ESCO2: variants seen among roughly 807,000 people sequenced by gnomAD.
ESCO2 encodes the protein establishment of sister chromatid cohesion N-acetyltransferase 2.
A neutral mutation model predicts 61.7 loss-of-function variants in ESCO2; 51 were observed. That is an observed-to-expected ratio of 0.83 (90% CI 0.66 to 1.04). The LOEUF is 1.04. Among genes scored for constraint, ESCO2 ranks in the 50% least tolerant of loss-of-function variants. The pLI is 0.00. For missense variants in ESCO2, 692 were observed against 686.2 expected, an observed-to-expected ratio of 1.01 and a Z score of -0.09; for synonymous variants, 230 against 238.2, an observed-to-expected ratio of 0.97 and a Z score of 0.32.
chr8:27,811,249 G>A (rs1451069154), downstream of ESCO2: 29 of 824,654 alleles, frequency 3.5e-5, no homozygotes, highest in Admixed American at 6.2e-4. Flanking sequence ...AATCAGTGTA[G>A]CCAGAAAATG....
At chr8:27,801,435 C>G (rs1038803751) in intron 10 of ESCO2, among the ~76,000 whole-genome samples, 1 of 152,080 alleles carries the variant, frequency 6.6e-6, no homozygotes, top group Non-Finnish European at 1.5e-5. Flanking sequence ...GCCATAAATC[C>G]TAGTCAATCA....
chr8:27,803,549 T>TATAC lies in ESCO2; in HGVS notation c.*112_*113insTACA. On this transcript the variant is annotated 3_prime_UTR_variant, in exon 11 of 11. Coordinates refer to ENST00000305188, the MANE Select transcript of ESCO2 (RefSeq NM_001017420.3). The stretch of plus-strand genomic sequence containing the variant: ...TAAAAAATACCGAGACTCACACTCA[T>TATAC]ACACACACACACACACACGCACACA... 1 of 1,323,222 alleles carries TATAC rather than the reference T, an allele frequency of 7.6e-7. No homozygotes were observed. The highest frequency in any genetic ancestry group is 9.9e-7 in the Non-Finnish European group (1 of 1,005,830). The allele number at this position is 1,323,222 out of a possible 1,614,324, so 82.0% of individuals were successfully genotyped here. A position where few individuals can be genotyped will look rare whatever the true frequency, so the allele number is the denominator to read the frequency against.
chr8:27,772,645 C>T, upstream of ESCO2: 5 of 1,110,392 alleles, frequency 4.5e-6, no homozygotes, highest in Middle Eastern at 3.0e-4. Flanking sequence ...GGAACTCCTC[C>T]GTGCACTTCC....
At chr8:27,794,575 A>G (rs1420278644) in intron 9 of ESCO2, among the ~76,000 whole-genome samples, 1 of 152,196 alleles carries the variant, frequency 6.6e-6, no homozygotes, top group Non-Finnish European at 1.5e-5. Flanking sequence ...ACTATGCAGA[A>G]ACTTTTCAGT....
chr8:27,810,612 A>G, downstream of ESCO2: 1 of 640,580 alleles, frequency 1.6e-6, no homozygotes. Flanking sequence ...TATGCTTTCC[A>G]TTCTGCCACA....
upstream of ESCO2, chr8:27,772,626 C>T (rs975269522): frequency 7.1e-7 from 1 of 1,405,748 alleles, no homozygotes; most frequent in Non-Finnish European, 9.8e-7. Context: ...CGGCGGCCGC[C>T]TGGCCCCCGG....
intron 10 of ESCO2, among the ~76,000 whole-genome samples, chr8:27,801,635 A>C (rs1180382079): frequency 6.6e-6 from 1 of 152,192 alleles, no homozygotes; most frequent in Non-Finnish European, 1.5e-5. Context: ...TATATCTTCT[A>C]ATTGAATCAA....
rs143530690 is a variant in ESCO2 at position 27,792,807 on chromosome 8, A to C, written c.1493A>C (p.Lys498Thr). ...GGGTGTTTAATTGCAGAACCCATCA[A>C]ACAGGTATGGTATATTTGTTTTAAA... ...VVGCLIAEPI[K>T]QAFRVLSEPI... The change falls in exon 9 of 11, where the codon AAA becomes ACA. Residue 498 changes from lysine (K) to threonine (T), a missense_variant. By Grantham distance (78) the Lys-to-Thr change is moderately conservative. Coordinates refer to ENST00000305188, the MANE Select transcript of ESCO2 (RefSeq NM_001017420.3). 139 of 1,601,386 alleles carry C rather than the reference A, an allele frequency of 8.7e-5. No homozygotes were observed. The Middle Eastern group carries it at 1.8e-3, about 21-fold the overall frequency.
chr8:27,816,640 T>G (rs1805820983), downstream of ESCO2, among the ~76,000 whole-genome samples: 1 of 152,006 alleles, frequency 6.6e-6, no homozygotes, highest in Non-Finnish European at 1.5e-5. Context: ...CCTCCCAAAG[T>G]GCTGGGATTA....
At chr8:27,794,242 G>A (rs1040298285) in intron 9 of ESCO2, among the ~76,000 whole-genome samples, 8 of 152,180 alleles carry the variant, frequency 5.3e-5, no homozygotes, top group Non-Finnish European at 1.0e-4. Context: ...AGTTCCTTTG[G>A]ATATACACTC....
intron 2 of ESCO2, among the ~76,000 whole-genome samples, chr8:27,775,980 C>T (rs770681212): frequency 1.9e-4 from 29 of 152,112 alleles, no homozygotes; most frequent in Non-Finnish European, 2.8e-4. Context: ...AATTACTCTA[C>T]CCAGGAAAAG....
intron 4 of ESCO2, among the ~76,000 whole-genome samples, chr8:27,780,921 G>A (rs565991647): frequency 6.7e-4 from 102 of 152,132 alleles, no homozygotes; most frequent in African/African-American, 2.2e-3. Flanking sequence ...TGAATATAAG[G>A]CAGTGCTAAA....
upstream of ESCO2, chr8:27,772,553 G>A (rs1231998686): frequency 6.5e-7 from 1 of 1,549,068 alleles, no homozygotes; most frequent in Admixed American, 2.0e-5. Flanking sequence ...TCCCGGGAGC[G>A]GTGCGGTGAC....
intron 5 of ESCO2, among the ~76,000 whole-genome samples, chr8:27,786,375 G>A (rs139253143): frequency 2.0e-4 from 30 of 152,304 alleles, no homozygotes; most frequent in Non-Finnish European, 2.9e-4. Flanking sequence ...ACAGGTTCAC[G>A]TGATTGCTAA....
At chr8:27,811,077 A>G, downstream of ESCO2, 1 of 1,613,266 alleles carries the variant, frequency 6.2e-7, no homozygotes. Context: ...ATTCTCCTCC[A>G]CAGCTTCTTT....
downstream of ESCO2, chr8:27,809,479 GA>G (rs1805626261): frequency 6.6e-6 from 1 of 152,150 alleles, no homozygotes; most frequent in African/African-American, 2.4e-5. Context: ...ATTCCCAGGG[GA>G]CTGTGGCTTA....
intron 4 of ESCO2, among the ~76,000 whole-genome samples, chr8:27,782,511 G>A (rs1048379363): frequency 2.0e-4 from 30 of 152,202 alleles, no homozygotes; most frequent in African/African-American, 5.1e-4. Flanking sequence ...TGATCCACCC[G>A]CCTTGGCCTC....
chr8:27,815,697 G>T (rs1383299211), downstream of ESCO2, among the ~76,000 whole-genome samples: 1 of 152,188 alleles, frequency 6.6e-6, no homozygotes, highest in Non-Finnish European at 1.5e-5. Flanking sequence ...AGAACTCTGG[G>T]TCTAAAATAA....
intron 4 of ESCO2, among the ~76,000 whole-genome samples, chr8:27,783,476 C>A (rs1023527254): frequency 6.6e-6 from 1 of 152,074 alleles, no homozygotes; most frequent in Non-Finnish European, 1.5e-5. Context: ...TTGATAAAGT[C>A]CAAATTAATT....
Sources: gnomAD v4.1 joint callset for allele counts (sites outside exome capture counted in the v4.1 genomes callset) on GRCh38, gnomAD v4.1.1 for gene constraint, MANE v1.5 for transcripts, NCBI Gene and HGNC (gene_info 2026-07-23, HGNC 2026-07-21) for gene names.